Variants in MYCL observed in about 807,000 individuals in gnomAD.
The protein encoded by MYCL is protein L-Myc.
In MYCL, 11 loss-of-function variants were observed where a neutral mutation model predicts 31.0. That is an observed-to-expected ratio of 0.35 (90% CI 0.22 to 0.59). MYCL has a LOEUF of 0.59. Ranked by LOEUF, MYCL falls within the 20% of genes least tolerant of loss-of-function variation. The pLI, the probability that MYCL is intolerant of heterozygous loss-of-function variation, is 0.79. For synonymous variants in MYCL, 208 were observed against 202.4 expected (o/e 1.03, Z -0.23); for missense variants, 427 against 486.1 (o/e 0.88, Z 1.14).
At chr1:39,898,731 T>C in intron 1 of MYCL, 1 of 985,468 alleles carries the variant, frequency 1.0e-6, no homozygotes, top group Non-Finnish European at 1.2e-6. Context: ...CAAGCGACCA[T>C]TTCCAAACTA....
chr1:39,901,265 C>G lies in MYCL; in HGVS notation c.170G>C (p.Gly57Ala), dbSNP rs998906291. ...LGPGAGDPAP[G>A]IGPPEPWPGG... ...GGGCCACGGCTCCGGGGGACCAATC[C>G]CGGGGGCCGGGTCCCCTGCGCCGGG... Residue 57 changes from glycine to alanine, a missense_variant, in exon 1 of 2, where the codon GGG (glycine) becomes GCG (alanine). Gly to Ala is a moderately conservative substitution (Grantham distance 60). Transcript: ENST00000372816. This position sits in a 1 kb window ranked among gnomAD's most constrained non-coding sequence, Gnocchi z 6.9. The G allele has an allele frequency of 1.9e-6, 3 of 1,601,830 alleles. No homozygotes were observed. Among genetic ancestry groups the G allele is most frequent in the Middle Eastern group, 3.3e-4 (2 of 6,044 alleles).
At position 39,901,266 on chromosome 1, in the gene MYCL, C is replaced by G. The variant is rs1644536272; in HGVS notation, c.169G>C (p.Gly57Arg). 9 of 1,601,814 alleles carry G rather than the reference C, an allele frequency of 5.6e-6. No homozygotes were observed. The highest frequency in any genetic ancestry group is 6.8e-6 in the Non-Finnish European group (8 of 1,174,750). ...GGCCACGGCTCCGGGGGACCAATCC[C>G]GGGGGCCGGGTCCCCTGCGCCGGGA... ...LGPGAGDPAP[G>R]IGPPEPWPGG... The change falls in exon 1 of 2, where the codon GGG (glycine) becomes CGG (arginine). Residue 57 changes from glycine to arginine, a missense_variant. By Grantham distance (125) the Gly-to-Arg change is moderately radical. Transcript: ENST00000372816. This position sits in a 1 kb window ranked among gnomAD's most constrained non-coding sequence, Gnocchi z 6.9.
At chr1:39,899,783 A>G (rs1176140643) in intron 1 of MYCL, 9 of 985,326 alleles carry the variant, frequency 9.1e-6, no homozygotes, top group African/African-American at 1.7e-5. Flanking sequence ...TCTCAAGTGT[A>G]GGAAAACTTC....
At position 39,896,504 on chromosome 1, in the gene MYCL, G is replaced by C. The variant is rs1488537649; in HGVS notation, c.*868C>G. ...CGGAAAACACCTGGGCAGGGATCAA[G>C]TTCATGGGCCAGGACTCCAAGCTAT... On this transcript the variant is annotated 3_prime_UTR_variant, in exon 2 of 2. Transcript: ENST00000372816. 1 of 217,796 alleles carries C rather than the reference G, an allele frequency of 4.6e-6. No homozygotes were observed. Among genetic ancestry groups the C allele is most frequent in the Non-Finnish European group, 9.3e-6 (1 of 108,100 alleles). 13.5% of individuals were successfully genotyped at this position (217,796 alleles called of 1,614,324 possible).
intron 1 of MYCL, among the ~76,000 whole-genome samples, chr1:39,898,256 A>G (rs906755382): frequency 6.6e-6 from 1 of 152,202 alleles, no homozygotes; most frequent in Non-Finnish European, 1.5e-5. Context: ...AACAGCCCCC[A>G]GTCTGCAAAG....
chr1:39,899,218 G>T, intron 1 of MYCL: 1 of 386,746 alleles, frequency 2.6e-6, no homozygotes, highest in Non-Finnish European at 3.5e-6. Context: ...TTTGCAATCT[G>T]TTGCATTTTG....
At position 39,901,669 on chromosome 1, in the gene MYCL, A is replaced by G; in HGVS notation, c.-235T>C. 4 of 1,298,396 alleles carry G rather than the reference A, an allele frequency of 3.1e-6. 1 individual carries two copies. In the African/African-American group the frequency reaches 6.2e-5, roughly 20 times the overall value. The allele number at this position is 1,298,396 out of a possible 1,614,324, so 80.4% of individuals were successfully genotyped here. On this transcript the variant is annotated 5_prime_UTR_variant, in exon 1 of 2. Transcript: ENST00000372816. The surrounding 1 kb of genome is among the most constrained non-coding windows in gnomAD (Gnocchi z 6.9). ...CGACTGTGGGCAGCGAGTTCAAAGC[A>G]AACTTTGCCAGCGCCGCCCGGAGCG...
In MYCL at chr1:39,900,830, G is replaced by A. The variant is rs148276319; in HGVS notation, c.496+109C>T. On this transcript the variant is annotated intron_variant, in intron 1 of 1. Coordinates refer to ENST00000372816, the MANE Select transcript of MYCL (RefSeq NM_001033081.3). ...CGGGCAGCTTCAGCCAAAGAGAGGC[G>A]GAGATGGCCCAAGAGCTTGAGAAGA... 189 of 1,498,120 alleles carry A rather than the reference G, an allele frequency of 1.3e-4. 1 individual carries two copies. In the East Asian group the frequency reaches 4.2e-3, roughly 33 times the overall value. 92.8% of individuals were successfully genotyped at this position (1,498,120 alleles called of 1,614,324 possible).
rs1321776218 is a variant in MYCL, at chr1:39,896,348, G to A, written c.*1024C>T. The A allele has an allele frequency of 5.0e-6, 1 of 198,522 alleles. No homozygotes were observed. The highest frequency in any genetic ancestry group is 1.0e-5 in the Non-Finnish European group (1 of 95,982). 12.3% of individuals were successfully genotyped at this position (198,522 alleles called of 1,614,324 possible). A position where few individuals can be genotyped will look rare whatever the true frequency, so the allele number is the denominator to read the frequency against. On this transcript the variant is annotated 3_prime_UTR_variant, in exon 2 of 2. Coordinates refer to ENST00000372816, the MANE Select transcript of MYCL (RefSeq NM_001033081.3). ...TTGCATGAGGAGGACAGATTTGCAT[G>A]GTTCCAGAAGAACTTCAAACTTGCC...
intron 1 of MYCL, chr1:39,900,549 C>T: frequency 2.6e-6 from 3 of 1,171,774 alleles, no homozygotes; most frequent in Non-Finnish European, 3.2e-6. Flanking sequence ...CTTCTTCTCC[C>T]CCTAGGGGAG....
At position 39,901,462 on chromosome 1, in the gene MYCL, G is replaced by T. The variant is rs202180139; in HGVS notation, c.-28C>A. On this transcript the variant is annotated 5_prime_UTR_variant, in exon 1 of 2. Transcript: ENST00000372816. This position sits in a 1 kb window ranked among gnomAD's most constrained non-coding sequence, Gnocchi z 6.9. ...CCGCTCCCTGCGGGAGGGAAGGGGG[G>T]ACGTGCTGACCGGGTGCCGGCCGGG... is the stretch of plus-strand genomic sequence containing the variant. 122 of 1,602,298 alleles carry T rather than the reference G, an allele frequency of 7.6e-5. No individual in the cohort carries two copies. In the South Asian group the frequency reaches 7.6e-4, roughly 10 times the overall value.
At position 39,901,270 on chromosome 1, in the gene MYCL, G is replaced by C. The variant is rs1002173108; in HGVS notation, c.165C>G (p.Ala55=). The C allele has an allele frequency of 6.2e-7, 1 of 1,601,640 alleles. No homozygotes were observed. The highest frequency in any genetic ancestry group is 1.3e-5 in the African/African-American group (1 of 74,742). Residue 55 remains alanine, a synonymous_variant, in exon 1 of 2, where the codon GCC becomes GCG. Coordinates refer to ENST00000372816, the MANE Select transcript of MYCL (RefSeq NM_001033081.3). The surrounding 1 kb of genome is among the most constrained non-coding windows in gnomAD (Gnocchi z 6.9). ...WGLGPGAGDP[A]PGIGPPEPWP... ...ACGGCTCCGGGGGACCAATCCCGGGGGCCGGGTCCCCTGCGCCGGGACCCA... is the reference window on the plus strand; with the variant it reads ...ACGGCTCCGGGGGACCAATCCCGGGCGCCGGGTCCCCTGCGCCGGGACCCA...
rs754673920 is a variant in MYCL at position 39,901,452 on chromosome 1, G to A, written c.-18C>T. 5.6e-6 allele frequency: 9 copies of A among 1,605,600 alleles called. No individual in the cohort carries two copies. In the Admixed American group the frequency reaches 1.5e-4, roughly 27 times the overall value. ...TAGTCCATGTCCGCTCCCTGCGGGA[G>A]GGAAGGGGGGACGTGCTGACCGGGT... On this transcript the variant is annotated 5_prime_UTR_variant, in exon 1 of 2. Coordinates refer to ENST00000372816, the MANE Select transcript of MYCL (RefSeq NM_001033081.3). The surrounding 1 kb of genome is among the most constrained non-coding windows in gnomAD (Gnocchi z 6.9).
Position 39,901,459 on chromosome 1 carries a change from G to C in MYCL, c.-25C>G, listed in dbSNP as rs953345521. ...TGTCCGCTCCCTGCGGGAGGGAAGG[G>C]GGGACGTGCTGACCGGGTGCCGGCC... On this transcript the variant is annotated 5_prime_UTR_variant, in exon 1 of 2. Coordinates refer to ENST00000372816, the MANE Select transcript of MYCL (RefSeq NM_001033081.3). This position sits in a 1 kb window ranked among gnomAD's most constrained non-coding sequence, Gnocchi z 6.9. 2.0e-5 allele frequency: 32 copies of C among 1,603,418 alleles called. No individual in the cohort carries two copies. The highest frequency in any genetic ancestry group is 2.6e-5 in the Non-Finnish European group (31 of 1,178,660).
chr1:39,900,506 C>A, intron 1 of MYCL: 1 of 1,078,198 alleles, frequency 9.3e-7, no homozygotes, highest in Non-Finnish European at 1.1e-6. Context: ...TTTAAAAGGA[C>A]GAAGGTTTTG....
chr1:39,900,603 G>T, intron 1 of MYCL: 1 of 1,236,664 alleles, frequency 8.1e-7, no homozygotes, highest in Non-Finnish European at 1.0e-6. Context: ...AAAACTTCAG[G>T]TTTGGAGTGT....
At position 39,897,640 on chromosome 1, in the gene MYCL, T is replaced by C; in HGVS notation, c.827A>G (p.Asp276Gly). 2 of 1,614,198 alleles carry C rather than the reference T, an allele frequency of 1.2e-6. No individual in the cohort carries two copies. The highest frequency in any genetic ancestry group is 1.7e-6 in the Non-Finnish European group (2 of 1,180,044). ...QSCHPKPVSS[D>G]TEDVTKRKNH... is the part of the protein sequence containing the mutation. ...CTTCCTCTTGGTCACATCCTCAGTA[T>C]CAGAACTGACAGGTTTGGGGTGGCA... Residue 276 changes from aspartate (D) to glycine (G), a missense_variant, in exon 2 of 2, where the codon GAT becomes GGT. Physicochemically the swap from Asp to Gly is moderately conservative, Grantham distance 94. Transcript: ENST00000372816. The surrounding 1 kb of genome is among the most constrained non-coding windows in gnomAD (Gnocchi z 4.3).
At chr1:39,899,018 G>A (rs1644509189) in intron 1 of MYCL, 1 of 985,312 alleles carries the variant, frequency 1.0e-6, no homozygotes, top group Admixed American at 6.1e-5. Context: ...GAGCCCCTTT[G>A]TCAGGAAGGC....
chr1:39,900,653 C>T, intron 1 of MYCL: 1 of 1,342,648 alleles, frequency 7.4e-7, no homozygotes, highest in Non-Finnish European at 9.6e-7. Context: ...AGTCCAACCC[C>T]AGTATTGTCC....
Sources: gnomAD v4.1 joint callset for allele counts (sites outside exome capture counted in the v4.1 genomes callset) on GRCh38, gnomAD v4.1.1 for gene constraint, Gnocchi (gnomAD v3.1) non-coding constraint, MANE v1.5 for transcripts, NCBI Gene and HGNC (gene_info 2026-07-23, HGNC 2026-07-21) for gene names.